Variants in FBXW12 observed in about 807,000 individuals in gnomAD.
FBXW12 encodes F-box/WD repeat-containing protein 12.
Under a neutral mutation model 55.3 loss-of-function variants are expected in FBXW12, and 43 were observed. The observed-to-expected ratio is 0.78, with a 90% CI of 0.61 to 1.00. FBXW12 has a LOEUF of 1.00. Among genes scored for constraint, FBXW12 ranks in the 50% least tolerant of loss-of-function variants. FBXW12 has a pLI of 0.00. For missense variants in FBXW12, 524 were observed against 560.5 expected (o/e 0.93, Z 0.66); for synonymous variants, 184 against 203.8 (o/e 0.90, Z 0.83).
At chr3:48,393,443 C>T (rs1234221801) in intron 10 of FBXW12, among the ~76,000 whole-genome samples, 1 of 152,096 alleles carries the variant, frequency 6.6e-6, no homozygotes, top group African/African-American at 2.4e-5. Flanking sequence ...AGGGTACTAA[C>T]CCTACCTGGG....
chr3:48,378,613 CTT>C (rs749717436), intron 6 of FBXW12, 87 bp downstream of exon 6: 11,410 of 567,822 alleles, frequency 0.02, no homozygotes, highest in Middle Eastern at 0.047. Context: ...TGTCCTATCC[CTT>C]TTTTTTTTTT....
chr3:48,380,024 C>G (rs1254639540), intron 7 of FBXW12: 1 of 167,700 alleles, frequency 6.0e-6, no homozygotes, highest in Non-Finnish European at 1.3e-5. Flanking sequence ...CCAACTGGCC[C>G]AGGTCAGAAA....
At chr3:48,388,288 C>T (rs554706372) in intron 10 of FBXW12, among the ~76,000 whole-genome samples, 4 of 152,308 alleles carry the variant, frequency 2.6e-5, no homozygotes, top group Middle Eastern at 3.4e-3. Flanking sequence ...ACAATTAGAT[C>T]ACCTTGGTTG....
At chr3:48,376,540 G>T (rs1054971829) in intron 5 of FBXW12, among the ~76,000 whole-genome samples, 2 of 152,144 alleles carry the variant, frequency 1.3e-5, no homozygotes, top group East Asian at 3.8e-4. Context: ...GGTATAAACT[G>T]CAGTGAGGTT....
chr3:48,380,699 T>C lies in FBXW12; in HGVS notation c.775-3T>C. ...CTGACCATGCATGCGATGCTCTCTT[T>C]AGGTATTCCTCACAGAGTCCTTACT... On this transcript the variant is annotated splice_polypyrimidine_tract_variant and splice_region_variant and intron_variant, in intron 7 of 10. Transcript: ENST00000296438. 1 of 1,610,426 alleles carries C rather than the reference T, an allele frequency of 6.2e-7. No homozygotes were observed. Among genetic ancestry groups the C allele is most frequent in the Admixed American group, 1.7e-5 (1 of 60,026 alleles).
At chr3:48,379,311 C>A in intron 6 of FBXW12, 89 bp from the exon 7 acceptor site, 2 of 1,160,016 alleles carry the variant, frequency 1.7e-6, no homozygotes, top group Non-Finnish European at 2.6e-6. Flanking sequence ...GAAACAGTGG[C>A]ATATCTTGCA....
At chr3:48,387,986 A>G (rs1020209366) in intron 10 of FBXW12, among the ~76,000 whole-genome samples, 1 of 152,138 alleles carries the variant, frequency 6.6e-6, no homozygotes, top group African/African-American at 2.4e-5. Context: ...TCAGATTTTG[A>G]TTTTCATTCA....
Position 48,375,428 on chromosome 3 carries a change from A to T in FBXW12, c.361A>T (p.Ser121Cys). 1 of 1,612,534 alleles carries T rather than the reference A, an allele frequency of 6.2e-7. No homozygotes were observed. Among genetic ancestry groups the T allele is most frequent in the Non-Finnish European group, 8.5e-7 (1 of 1,179,540 alleles). Residue 121 changes from serine to cysteine, a missense_variant, in exon 5 of 11, where the codon AGT becomes TGT. Coordinates refer to ENST00000296438, the MANE Select transcript of FBXW12 (RefSeq NM_207102.2). ...VDEQEKSIIC[S>C]VSPKQELCAW... is the part of the protein sequence containing the mutation. The stretch of plus-strand genomic sequence containing the variant: ...TGAACAGGAGAAATCAATCATTTGT[A>T]GTGTATCTCCAAAGCAAGAGCTTTG...
At chr3:48,378,564 A>C in intron 6 of FBXW12, 38 bp downstream of exon 6, 1 of 1,564,804 alleles carries the variant, frequency 6.4e-7, no homozygotes, top group Non-Finnish European at 8.8e-7. Context: ...CCAAAAAATC[A>C]AATGCCTGTT....
chr3:48,391,892 T>A (rs2036934033), intron 10 of FBXW12, among the ~76,000 whole-genome samples: 1 of 152,250 alleles, frequency 6.6e-6, no homozygotes, highest in Admixed American at 6.5e-5. Context: ...AGTTTGCTAC[T>A]ATTTTCTTGA....
At chr3:48,383,334 C>A (rs2036804280) in intron 10 of FBXW12, among the ~76,000 whole-genome samples, 1 of 151,992 alleles carries the variant, frequency 6.6e-6, no homozygotes, top group African/African-American at 2.4e-5. Flanking sequence ...ATTTATTGTG[C>A]CTTTTCCCAA....
rs563712431 is a variant in FBXW12, at chr3:48,381,254, C to T, written c.985+342C>T. Among the ~76,000 whole-genome samples the T allele has an allele frequency of 2.6e-5, 4 of 152,130 alleles. No homozygotes were observed. The East Asian group carries it at 7.8e-4, about 29-fold the overall frequency. On this transcript the variant is annotated intron_variant, in intron 8 of 10. Transcript: ENST00000296438. ...AGCCAGGATGGTCTCAATCTCCTGA[C>T]CTCATGATCCGCCTGCCTCGGCCTC...
At chr3:48,387,794 G>A (rs1379843391) in intron 10 of FBXW12, among the ~76,000 whole-genome samples, 1 of 152,082 alleles carries the variant, frequency 6.6e-6, no homozygotes. Flanking sequence ...TGAATTCCCA[G>A]GCTCAAGCAA....
intron 5 of FBXW12, among the ~76,000 whole-genome samples, chr3:48,376,603 T>C (rs191467958): frequency 1.3e-5 from 2 of 152,324 alleles, no homozygotes; most frequent in Admixed American, 1.3e-4. Flanking sequence ...AGAGAAACAC[T>C]GTCAGCTTGG....
intron 10 of FBXW12, among the ~76,000 whole-genome samples, chr3:48,382,654 G>A (rs1251440407): frequency 6.6e-6 from 1 of 152,098 alleles, no homozygotes; most frequent in Admixed American, 6.5e-5. Flanking sequence ...TGTACCTTTT[G>A]TGAGTTCATT....
chr3:48,376,864 G>A (rs1222813736), intron 5 of FBXW12, among the ~76,000 whole-genome samples: 1 of 138,260 alleles, frequency 7.2e-6, no homozygotes, highest in Non-Finnish European at 1.6e-5. Context: ...AAAATTTCTT[G>A]TAGCAGTGAT....
At chr3:48,393,843 A>C (rs542529552) in intron 10 of FBXW12, among the ~76,000 whole-genome samples, 94 of 148,408 alleles carry the variant, frequency 6.3e-4, no homozygotes, top group African/African-American at 2.3e-3. Flanking sequence ...CAGTAGCGCG[A>C]TCTCGGCTCA....
At chr3:48,374,788 A>ATTT (rs1560029793) in intron 4 of FBXW12, among the ~76,000 whole-genome samples, 38,243 of 90,378 alleles carry the variant, frequency 0.42, 7,300 homozygotes, top group East Asian at 0.52. Context: ...TTTTTTTTTA[A>ATTT]AAACAGAGTC....
chr3:48,378,210 CAAG>C (rs1158215658), intron 5 of FBXW12, 104 bp from the exon 6 acceptor site: 3 of 842,246 alleles, frequency 3.6e-6, no homozygotes, highest in South Asian at 3.2e-5. Flanking sequence ...TGCCCAGAAG[CAAG>C]AAGATCTGAT....
Sources: gnomAD v4.1 joint callset for allele counts (sites outside exome capture counted in the v4.1 genomes callset) on GRCh38, gnomAD v4.1.1 for gene constraint, MANE v1.5 for transcripts, NCBI Gene and HGNC (gene_info 2026-07-23, HGNC 2026-07-21) for gene names.